The following SLFN12L variants were observed in gnomAD, a reference collection of about 807,000 sequenced individuals.
The protein encoded by SLFN12L is schlafen family member 12 like.
A neutral mutation model predicts 34.8 loss-of-function variants in SLFN12L; 34 were observed. The observed-to-expected ratio is 0.98, with a 90% CI of 0.74 to 1.30. SLFN12L has a LOEUF of 1.30. Ranked by LOEUF, SLFN12L falls within the 50% of genes most tolerant of loss-of-function variation. The pLI is 0.00. For missense variants in SLFN12L, 703 were observed against 696.2 expected (o/e 1.01, Z -0.11); for synonymous variants, 259 against 247.5 (o/e 1.05, Z -0.44).
chr17:35,497,610 T>C (rs1409320019), intron 2 of SLFN12L, among the ~76,000 whole-genome samples: 2 of 152,094 alleles, frequency 1.3e-5, no homozygotes, highest in Non-Finnish European at 2.9e-5. Context: ...TTTAGTGCAA[T>C]GAATACACTC....
At chr17:35,527,671 C>A (rs139940726) in intron 1 of SLFN12L, among the ~76,000 whole-genome samples, 3 of 152,088 alleles carry the variant, frequency 2.0e-5, no homozygotes, top group Non-Finnish European at 2.9e-5. Flanking sequence ...GCTAAAAATT[C>A]TCAATAAACT....
At chr17:35,498,183 G>GTGGGGTGCCGGGGCCGCC (rs1915159754) in intron 2 of SLFN12L, 1 of 624,830 alleles carries the variant, frequency 1.6e-6, no homozygotes, top group Non-Finnish European at 2.9e-6. Context: ...AGGCGGCGGC[G>GTGGGGTGCCGGGGCCGCC]TGGGGAGCCG....
intron 2 of SLFN12L, among the ~76,000 whole-genome samples, chr17:35,492,955 A>AG (rs200312822): frequency 0.1 from 9,060 of 88,904 alleles, 405 homozygotes; most frequent in African/African-American, 0.25. Flanking sequence ...AATATCCCTT[A>AG]GGGGAAAAAA....
At chr17:35,524,617 A>T (rs1325917693) in intron 1 of SLFN12L, among the ~76,000 whole-genome samples, 1 of 152,272 alleles carries the variant, frequency 6.6e-6, no homozygotes, top group African/African-American at 2.4e-5. Flanking sequence ...ACTCCAGCAG[A>T]CCTGCAGCAG....
At chr17:35,519,698 C>A (rs1402200314) in intron 2 of SLFN12L, among the ~76,000 whole-genome samples, 1 of 152,154 alleles carries the variant, frequency 6.6e-6, no homozygotes, top group African/African-American at 2.4e-5. Flanking sequence ...CTCATACAGT[C>A]AAGGTTAATA....
At chr17:35,495,909 A>G (rs1915046580) in intron 2 of SLFN12L, among the ~76,000 whole-genome samples, 1 of 68,118 alleles carries the variant, frequency 1.5e-5, no homozygotes, top group Admixed American at 1.4e-4. Flanking sequence ...AAACACACAC[A>G]CACACACACA....
chr17:35,510,449 T>C (rs896024217), intron 2 of SLFN12L, among the ~76,000 whole-genome samples: 2 of 152,240 alleles, frequency 1.3e-5, no homozygotes, highest in African/African-American at 4.8e-5. Flanking sequence ...TGATGCAGGC[T>C]GCAACACGGA....
chr17:35,531,028 T>A (rs565366911), intron 1 of SLFN12L, among the ~76,000 whole-genome samples: 1 of 152,196 alleles, frequency 6.6e-6, no homozygotes, highest in African/African-American at 2.4e-5. Context: ...ATGCCTATAT[T>A]GGTTAAAGAG....
intron 4 of SLFN12L, 180 bp downstream of exon 4, chr17:35,477,894 AC>A (rs1914109237): frequency 2.1e-6 from 1 of 487,192 alleles, no homozygotes; most frequent in African/African-American, 2.0e-5. Context: ...GAACAATTCT[AC>A]CCCTACTTAG....
chr17:35,534,945 G>T (rs1156518400), intron 1 of SLFN12L, among the ~76,000 whole-genome samples: 2 of 152,148 alleles, frequency 1.3e-5, no homozygotes, highest in African/African-American at 2.4e-5. Flanking sequence ...TAGTAGGAAG[G>T]TTAATGCTTG....
rs1429584937 is a variant in SLFN12L at position 35,472,708 on chromosome 17, G to C, written c.*2215C>G. ...TGAAGAATGTCAATGGTAGTTTGAT[G>C]GGAATAACATTGAATCTATAAATTA... is the stretch of plus-strand genomic sequence containing the variant. On this transcript the variant is annotated 3_prime_UTR_variant, in exon 5 of 5. Transcript: ENST00000628453. 1.3e-5 allele frequency among the ~76,000 whole-genome samples: 2 copies of C among 152,142 alleles called. No individual in the cohort carries two copies. The highest frequency in any genetic ancestry group is 2.9e-5 in the Non-Finnish European group (2 of 68,034).
chr17:35,488,387 A>G (rs1184618829), intron 2 of SLFN12L, among the ~76,000 whole-genome samples: 1 of 152,226 alleles, frequency 6.6e-6, no homozygotes, highest in Non-Finnish European at 1.5e-5. Context: ...GCTCTCAGAG[A>G]GACAGAGTTG....
chr17:35,516,590 C>T (rs1285325906), intron 2 of SLFN12L, among the ~76,000 whole-genome samples: 3 of 152,330 alleles, frequency 2.0e-5, no homozygotes, highest in Non-Finnish European at 4.4e-5. Context: ...TTAACACACT[C>T]CCCTCAAGGG....
chr17:35,499,725 AGGGTGT>A (rs1485481145), intron 2 of SLFN12L: 5 of 269,896 alleles, frequency 1.9e-5, no homozygotes, highest in African/African-American at 1.2e-4. Flanking sequence ...CATGTACCCC[AGGGTGT>A]TCCCAGACCC....
At chr17:35,490,518 G>T in intron 2 of SLFN12L, 1 of 893,516 alleles carries the variant, frequency 1.1e-6, no homozygotes, top group Non-Finnish European at 1.9e-6. Context: ...TCATTAAGAA[G>T]AAGTCTAAAA....
At position 35,468,038 on chromosome 17, in the gene SLFN12L, A is replaced by C. The variant is rs67536209; in HGVS notation, c.*6885T>G. Among the ~76,000 whole-genome samples, 28,717 of 152,008 alleles carry C rather than the reference A, an allele frequency of 0.19. 2,976 individuals are homozygous for C. The highest frequency in any genetic ancestry group is 0.31 in the South Asian group (1,474 of 4,812). On this transcript the variant is annotated 3_prime_UTR_variant, in exon 5 of 5. Transcript: ENST00000628453. ...AATCCTCTCACCTCAGCCTCCTGAG[A>C]AGCTGCGACCACAGGCACACACTAC...
intron 2 of SLFN12L, among the ~76,000 whole-genome samples, chr17:35,495,064 A>G (rs1203402592): frequency 6.6e-6 from 1 of 151,792 alleles, no homozygotes; most frequent in Non-Finnish European, 1.5e-5. Flanking sequence ...ACACTGGCTC[A>G]TTTTTGTTTG....
intron 1 of SLFN12L, among the ~76,000 whole-genome samples, chr17:35,535,435 G>A (rs2072450799): frequency 1.3e-5 from 2 of 150,760 alleles, no homozygotes; most frequent in Admixed American, 6.6e-5. Context: ...GACCTCAGGT[G>A]ATCCGCCCAC....
intron 2 of SLFN12L, chr17:35,490,908 A>C (rs1161598510): frequency 1.1e-5 from 9 of 811,270 alleles, no homozygotes; most frequent in African/African-American, 5.0e-5. Flanking sequence ...ATGACAACAA[A>C]CAACCAAGAC....
Sources: gnomAD v4.1 joint callset for allele counts (sites outside exome capture counted in the v4.1 genomes callset) on GRCh38, gnomAD v4.1.1 for gene constraint, MANE v1.5 for transcripts, NCBI Gene and HGNC (gene_info 2026-07-23, HGNC 2026-07-21) for gene names.